Variants in STEAP2 observed in about 807,000 individuals in gnomAD.
STEAP2 encodes the protein metalloreductase STEAP2.
STEAP2 carries 30 observed loss-of-function variants against 46.4 expected under a neutral mutation model. The observed-to-expected ratio is 0.65, with a 90% CI of 0.48 to 0.88. The LOEUF (loss-of-function observed/expected upper bound fraction) is 0.88. STEAP2 is among the 40% of genes least tolerant of loss of function. The pLI is 0.00. For missense variants in STEAP2, 513 were observed against 579.3 expected (o/e 0.89, Z 1.18); for synonymous variants, 180 against 200.5 (o/e 0.90, Z 0.86).
In STEAP2 at chr7:90,225,586, A is replaced by C; in HGVS notation, c.492+12A>C. The C allele has an allele frequency of 6.4e-7, 1 of 1,556,798 alleles. No homozygotes were observed. The highest frequency in any genetic ancestry group is 8.6e-7 in the Non-Finnish European group (1 of 1,156,440). On this transcript the variant is annotated intron_variant, in intron 3 of 5. Transcript: ENST00000394621. ...ATGCCAGCCGGCAGGTATGTATTTT[A>C]CATTTTTATTCTTATGTATCTGGTA...
chr7:90,217,391 C>G (rs1395940100), intron 2 of STEAP2, among the ~76,000 whole-genome samples: 1 of 152,126 alleles, frequency 6.6e-6, no homozygotes, highest in African/African-American at 2.4e-5. Flanking sequence ...CATGAACCAA[C>G]ATCTCTTCCT....
intron 5 of STEAP2, among the ~76,000 whole-genome samples, chr7:90,231,055 G>T (rs546175506): frequency 6.6e-6 from 1 of 151,864 alleles, no homozygotes; most frequent in Non-Finnish European, 1.5e-5. Flanking sequence ...CTGCTGGAGG[G>T]TTGATATTTT....
Position 90,236,666 on chromosome 7 carries a change from T to C in STEAP2, c.*4042T>C, listed in dbSNP as rs748101601. ...TACAGTGCTTAATTTTCAGAGATTC[T>C]TTCCATATGTTACTAAAAAATGTTT... is the stretch of plus-strand genomic sequence containing the variant. On this transcript the variant is annotated 3_prime_UTR_variant, in exon 6 of 6. Coordinates refer to ENST00000394621, the MANE Select transcript of STEAP2 (RefSeq NM_001244944.2). 1.6e-5 allele frequency: 20 copies of C among 1,270,832 alleles called. No homozygotes were observed. The highest frequency in any genetic ancestry group is 3.0e-4 in the Middle Eastern group (1 of 3,330). 78.7% of individuals were successfully genotyped at this position (1,270,832 alleles called of 1,614,324 possible).
chr7:90,223,171 G>A (rs1795329813), intron 2 of STEAP2, among the ~76,000 whole-genome samples: 1 of 152,194 alleles, frequency 6.6e-6, no homozygotes, highest in African/African-American at 2.4e-5. Flanking sequence ...GTGGGTGGAT[G>A]AGCAGAAAGA....
Position 90,227,511 on chromosome 7 carries a change from C to T in STEAP2, c.1020+13C>T. On this transcript the variant is annotated intron_variant, in intron 4 of 5. Coordinates refer to ENST00000394621, the MANE Select transcript of STEAP2 (RefSeq NM_001244944.2). ...GGCTTATCAGCAGGTACTGAATGTGCTTGTTATTTATCTGATGCTAGTAAA... is the reference window on the plus strand; with the variant it reads ...GGCTTATCAGCAGGTACTGAATGTGTTTGTTATTTATCTGATGCTAGTAAA... 1 of 1,527,190 alleles carries T rather than the reference C, an allele frequency of 6.5e-7. No individual in the cohort carries two copies. The highest frequency in any genetic ancestry group is 1.3e-5 in the South Asian group (1 of 76,658). 94.6% of individuals were successfully genotyped at this position (1,527,190 alleles called of 1,614,324 possible).
chr7:90,230,400 A>G (rs1359866300), intron 5 of STEAP2, among the ~76,000 whole-genome samples: 1 of 152,006 alleles, frequency 6.6e-6, no homozygotes, highest in Non-Finnish European at 1.5e-5. Context: ...TTATGTTTTG[A>G]GTCATCTTGA....
rs1012028228 is a variant in STEAP2 at position 90,232,934 on chromosome 7, A to G, written c.*310A>G. ...AAAATACTTACAGTTAATAATATAG[A>G]TATAATGTTAAAAACAATTTGCAAA... On this transcript the variant is annotated 3_prime_UTR_variant, in exon 6 of 6. Transcript: ENST00000394621. 24 of 990,626 alleles carry G rather than the reference A, an allele frequency of 2.4e-5. No individual in the cohort carries two copies. In the African/African-American group the frequency reaches 3.8e-4, roughly 16 times the overall value. The allele number at this position is 990,626 out of a possible 1,614,324, so 61.4% of individuals were successfully genotyped here. A position where few individuals can be genotyped will look rare whatever the true frequency, so the allele number is the denominator to read the frequency against.
Position 90,225,254 on chromosome 7 carries a change from A to G in STEAP2, c.172A>G (p.Ile58Val). Residue 58 changes from isoleucine to valine, a missense_variant, in exon 3 of 6, where the codon ATA becomes GTA. Transcript: ENST00000394621. ...TATTAGATGCGGCTATCATGTGGTC[A>G]TAGGAAGTAGAAATCCTAAGTTTGC... ...RLIRCGYHVV[I>V]GSRNPKFASE... The G allele has an allele frequency of 1.2e-6, 2 of 1,614,040 alleles. No homozygotes were observed. Among genetic ancestry groups the G allele is most frequent in the Non-Finnish European group, 1.7e-6 (2 of 1,179,974 alleles).
At chr7:90,217,728 A>G (rs28944785) in intron 2 of STEAP2, among the ~76,000 whole-genome samples, 1 of 90,700 alleles carries the variant, frequency 1.1e-5, no homozygotes, top group Non-Finnish European at 2.0e-5. Context: ...AAAAAAAAAC[A>G]TGTGAGGACG....
chr7:90,225,813 C>G (rs1554342731), intron 3 of STEAP2, among the ~76,000 whole-genome samples: 1 of 152,112 alleles, frequency 6.6e-6, no homozygotes, highest in Admixed American at 6.6e-5. Flanking sequence ...GAGAATAAAG[C>G]AGATGGGGCA....
At chr7:90,216,975 C>T (rs2116156201) in intron 2 of STEAP2, among the ~76,000 whole-genome samples, 2 of 152,278 alleles carry the variant, frequency 1.3e-5, no homozygotes, top group East Asian at 1.9e-4. Context: ...TTCTGCTACT[C>T]CATGTGCCAA....
chr7:90,219,468 A>G (rs1202184977), intron 2 of STEAP2, among the ~76,000 whole-genome samples: 4 of 151,972 alleles, frequency 2.6e-5, no homozygotes, highest in African/African-American at 9.7e-5. Flanking sequence ...TATTTTTTCT[A>G]TCCCTAGTTT....
intron 2 of STEAP2, among the ~76,000 whole-genome samples, chr7:90,224,543 CT>C (rs1303084005): frequency 6.6e-6 from 1 of 152,202 alleles, no homozygotes; most frequent in Non-Finnish European, 1.5e-5. Context: ...ATAAACGTTG[CT>C]GTTTAACACC....
intron 2 of STEAP2, among the ~76,000 whole-genome samples, chr7:90,217,878 A>G (rs1211654151): frequency 6.6e-6 from 1 of 151,938 alleles, no homozygotes; most frequent in Non-Finnish European, 1.5e-5. Context: ...ACTAATTTAC[A>G]TTTCCACCAA....
At chr7:90,213,595 ATTACATG>A (rs1166818746) in intron 1 of STEAP2, among the ~76,000 whole-genome samples, 1 of 152,224 alleles carries the variant, frequency 6.6e-6, no homozygotes, top group Non-Finnish European at 1.5e-5. Context: ...CTAGAGAATT[ATTACATG>A]TCTTTTTGTC....
At position 90,235,385 on chromosome 7, in the gene STEAP2, T is replaced by C; in HGVS notation, c.*2761T>C. 1.0e-6 allele frequency: 1 copy of C among 968,230 alleles called. No individual in the cohort carries two copies. The highest frequency in any genetic ancestry group is 1.2e-6 in the Non-Finnish European group (1 of 814,162). 60.0% of individuals were successfully genotyped at this position (968,230 alleles called of 1,614,324 possible). ...GCAAAACTATGATGTTTAGTTGCTT[T>C]ATTTTACCTCTATGTGATTATTTTT... On this transcript the variant is annotated 3_prime_UTR_variant, in exon 6 of 6. Transcript: ENST00000394621.
chr7:90,227,037 T>A lies in STEAP2; in HGVS notation c.559T>A (p.Phe187Ile). Residue 187 changes from phenylalanine to isoleucine, a missense_variant, in exon 4 of 6, where the codon TTC becomes ATC. Coordinates refer to ENST00000394621, the MANE Select transcript of STEAP2 (RefSeq NM_001244944.2). ...TATTGAACTTGCCCGCCAGTTGAAT[T>A]TCATTCCCATTGACTTGGGATCCTT... Reference protein sequence around the residue: ...QVIELARQLNFIPIDLGSLSS... With the variant: ...QVIELARQLNIIPIDLGSLSS... 1 of 1,612,992 alleles carries A rather than the reference T, an allele frequency of 6.2e-7. No homozygotes were observed. Among genetic ancestry groups the A allele is most frequent in the Non-Finnish European group, 8.5e-7 (1 of 1,179,590 alleles).
intron 4 of STEAP2, among the ~76,000 whole-genome samples, chr7:90,229,257 T>C (rs1795635962): frequency 6.6e-6 from 1 of 152,084 alleles, no homozygotes; most frequent in Admixed American, 6.6e-5. Context: ...AATGACACAA[T>C]TGGATAGTTG....
In STEAP2 at chr7:90,232,720, G is replaced by A. The variant is rs573585799; in HGVS notation, c.*96G>A. On this transcript the variant is annotated 3_prime_UTR_variant, in exon 6 of 6. Transcript: ENST00000394621. ...GTTACAAGTATGCTGTCAAATTATC[G>A]TGGGTTGAAACTTGTTAAATGAGAT... is the stretch of plus-strand genomic sequence containing the variant. The A allele has an allele frequency of 1.4e-4, 201 of 1,405,288 alleles. 1 individual carries two copies. In the African/African-American group the frequency reaches 1.8e-3, roughly 13 times the overall value. The allele number at this position is 1,405,288 out of a possible 1,614,324, so 87.1% of individuals were successfully genotyped here.
Sources: gnomAD v4.1 joint callset for allele counts (sites outside exome capture counted in the v4.1 genomes callset) on GRCh38, gnomAD v4.1.1 for gene constraint, MANE v1.5 for transcripts, NCBI Gene and HGNC (gene_info 2026-07-23, HGNC 2026-07-21) for gene names.